Variants in CNTN5 observed in about 807,000 individuals in gnomAD.
CNTN5 encodes the protein contactin-5.
A neutral mutation model predicts 129.1 loss-of-function variants in CNTN5; 77 were observed. The ratio of observed to expected loss-of-function variants is 0.60; its 90% CI spans 0.50 to 0.72. CNTN5 has a LOEUF of 0.72. Among genes scored for constraint, CNTN5 ranks in the 30% least tolerant of loss-of-function variants. CNTN5 has a pLI of 0.00. For synonymous variants in CNTN5, 509 were observed against 465.6 expected, an observed-to-expected ratio of 1.09 and a Z score of -1.20; for missense variants, 1,478 against 1,328.8, an observed-to-expected ratio of 1.11 and a Z score of -1.75.
intron 1 of CNTN5, among the ~76,000 whole-genome samples, chr11:99,196,249 AT>A (rs1173515242): frequency 3.3e-5 from 5 of 151,892 alleles, no homozygotes; most frequent in African/African-American, 1.2e-4. Flanking sequence ...TATGAACCTT[AT>A]ATTTGCCACA....
intron 2 of CNTN5, among the ~76,000 whole-genome samples, chr11:99,351,919 C>T (rs75119371): frequency 0.017 from 2,592 of 152,258 alleles, 74 homozygotes; most frequent in African/African-American, 0.058. Flanking sequence ...CTGATTAGAA[C>T]GTACCAAAGG....
intron 3 of CNTN5, among the ~76,000 whole-genome samples, chr11:99,738,893 G>T (rs891070725): frequency 6.6e-6 from 1 of 152,086 alleles, no homozygotes; most frequent in African/African-American, 2.4e-5. Flanking sequence ...CAAAATATTA[G>T]AATCACCTCT....
At chr11:99,415,266 T>C (rs950922164) in intron 2 of CNTN5, among the ~76,000 whole-genome samples, 1 of 152,138 alleles carries the variant, frequency 6.6e-6, no homozygotes, top group African/African-American at 2.4e-5. Context: ...CATCTGATTT[T>C]CTTCTGAGGT....
chr11:99,726,040 A>G (rs1943326356), intron 3 of CNTN5, among the ~76,000 whole-genome samples: 1 of 152,174 alleles, frequency 6.6e-6, no homozygotes, highest in South Asian at 2.1e-4. Flanking sequence ...TCTAAGGCAC[A>G]CTCCATGAGC....
intron 1 of CNTN5, among the ~76,000 whole-genome samples, chr11:99,204,234 T>C (rs951434760): frequency 6.6e-6 from 1 of 152,248 alleles, no homozygotes; most frequent in African/African-American, 2.4e-5. Context: ...CATAAAATGC[T>C]ATTTGTTCTC....
At chr11:99,672,105 G>A (rs778305751) in intron 3 of CNTN5, among the ~76,000 whole-genome samples, 4 of 152,080 alleles carry the variant, frequency 2.6e-5, no homozygotes, top group Middle Eastern at 3.4e-3. Context: ...AGCCTCTTTC[G>A]TATTCTTATG....
intron 3 of CNTN5, among the ~76,000 whole-genome samples, chr11:99,772,361 G>A (rs909677641): frequency 1.3e-5 from 2 of 151,946 alleles, no homozygotes; most frequent in South Asian, 2.1e-4. Flanking sequence ...CATTTTTCTT[G>A]TTTTATTTTC....
intron 2 of CNTN5, among the ~76,000 whole-genome samples, chr11:99,499,512 G>A (rs754972473): frequency 1.3e-4 from 20 of 152,086 alleles, no homozygotes; most frequent in Admixed American, 4.6e-4. Context: ...GGTCTTGTGC[G>A]TCCCGGCCTC....
At chr11:100,099,679 AT>A (rs1447695004) in intron 13 of CNTN5, among the ~76,000 whole-genome samples, 4 of 148,986 alleles carry the variant, frequency 2.7e-5, no homozygotes, top group Non-Finnish European at 6.0e-5. Context: ...TTTTTTTTCT[AT>A]TAATATCATT....
intron 8 of CNTN5, among the ~76,000 whole-genome samples, chr11:99,983,733 T>G (rs879354049): frequency 8.5e-5 from 13 of 152,128 alleles, no homozygotes; most frequent in Admixed American, 7.2e-4. Flanking sequence ...GCAGTTTTAT[T>G]ATGATGAGTG....
chr11:99,186,263 TAGAG>T (rs754741296), intron 1 of CNTN5, among the ~76,000 whole-genome samples: 4 of 151,878 alleles, frequency 2.6e-5, no homozygotes, highest in Non-Finnish European at 5.9e-5. Context: ...AAAAACACAA[TAGAG>T]AGAAATACTT....
chr11:99,763,994 A>G (rs903605606), intron 3 of CNTN5, among the ~76,000 whole-genome samples: 1 of 152,088 alleles, frequency 6.6e-6, no homozygotes, highest in Admixed American at 6.6e-5. Context: ...AATAACCATG[A>G]TATTTATATT....
chr11:99,592,468 A>G (rs966955766), intron 3 of CNTN5, among the ~76,000 whole-genome samples: 19 of 152,094 alleles, frequency 1.2e-4, no homozygotes, highest in Non-Finnish European at 2.4e-4. Context: ...AAATGCTGCA[A>G]TGATGACAAA....
At position 99,922,669 on chromosome 11, in the gene CNTN5, T is replaced by C. The variant is rs537592693; in HGVS notation, c.673+6520T>C. 9.2e-5 allele frequency among the ~76,000 whole-genome samples: 14 copies of C among 152,334 alleles called. No homozygotes were observed. In the South Asian group the frequency reaches 1.0e-3, roughly 11 times the overall value. On this transcript the variant is annotated intron_variant, in intron 7 of 24. Coordinates refer to ENST00000524871, the MANE Select transcript of CNTN5 (RefSeq NM_014361.4). ...CATAATTAGTTTGTTATTTTATCTA[T>C]TGGAACAATACAATGTAAAGTGTCA...
intron 3 of CNTN5, among the ~76,000 whole-genome samples, chr11:99,670,259 G>A (rs1193550234): frequency 6.6e-6 from 1 of 152,094 alleles, no homozygotes; most frequent in Admixed American, 6.6e-5. Flanking sequence ...CATAACTGAG[G>A]TTGCTACAAC....
At chr11:99,916,265 G>T in intron 7 of CNTN5, 116 bp downstream of exon 7, 1 of 716,090 alleles carries the variant, frequency 1.4e-6, no homozygotes, top group Non-Finnish European at 2.3e-6. Context: ...TGGTTTTCTT[G>T]ACATCTATCA....
chr11:100,045,291 A>G lies in CNTN5; in HGVS notation c.981-15921A>G, dbSNP rs963405446. On this transcript the variant is annotated intron_variant, in intron 9 of 24. Coordinates refer to ENST00000524871, the MANE Select transcript of CNTN5 (RefSeq NM_014361.4). ...ATTAAGACATTAAGAATTTAGGTAAATGGACAATAGTAATTTTAACTTTAG... is the reference window on the plus strand; with the variant it reads ...ATTAAGACATTAAGAATTTAGGTAAGTGGACAATAGTAATTTTAACTTTAG... Among the ~76,000 whole-genome samples, 71 of 152,144 alleles carry G rather than the reference A, an allele frequency of 4.7e-4. 1 individual carries two copies. Among genetic ancestry groups the G allele is most frequent in the Admixed American group, 1.3e-4 (2 of 15,258 alleles).
At chr11:99,181,713 G>T (rs1315790786) in intron 1 of CNTN5, among the ~76,000 whole-genome samples, 1 of 152,072 alleles carries the variant, frequency 6.6e-6, no homozygotes, top group East Asian at 1.9e-4. Context: ...TTCATTTTCT[G>T]CCCCTATAGC....
intron 9 of CNTN5, among the ~76,000 whole-genome samples, chr11:100,040,050 T>A (rs958773891): frequency 1.3e-5 from 2 of 152,180 alleles, no homozygotes; most frequent in African/African-American, 2.4e-5. Context: ...GCACTCTGAT[T>A]TTTAGAGTTT....
Sources: gnomAD v4.1 joint callset for allele counts (sites outside exome capture counted in the v4.1 genomes callset) on GRCh38, gnomAD v4.1.1 for gene constraint, MANE v1.5 for transcripts, NCBI Gene and HGNC (gene_info 2026-07-23, HGNC 2026-07-21) for gene names.